APBB2: variants seen among roughly 807,000 people sequenced by gnomAD.
APBB2 encodes Fe65-like 1.
Under a neutral mutation model 82.5 loss-of-function variants are expected in APBB2, and 38 were observed. That is an observed-to-expected ratio of 0.46 (90% confidence interval 0.36 to 0.60). The LOEUF (loss-of-function observed/expected upper bound fraction) is 0.60. APBB2 is among the 20% of genes least tolerant of loss of function. The pLI is 0.00. For missense variants in APBB2, 772 were observed against 972.3 expected (o/e 0.79, Z 2.74); for synonymous variants, 341 against 368.2 (o/e 0.93, Z 0.85).
chr4:40,851,055 G>T (rs575515244), intron 12 of APBB2, among the ~76,000 whole-genome samples: 1 of 152,290 alleles, frequency 6.6e-6, no homozygotes, highest in East Asian at 1.9e-4. Context: ...GACAGCACTG[G>T]CTAAACACTT....
At position 40,826,612 on chromosome 4, in the gene APBB2, A is replaced by G. The variant is rs1005055323; in HGVS notation, c.1732+520T>C. ...CGCCTCAGCCTCCCAAAGTGCTGGG[A>G]TTATAGATGTGAACCACCGCGCCTG... is the stretch of plus-strand genomic sequence containing the variant. On this transcript the variant is annotated intron_variant, in intron 14 of 17. Transcript: ENST00000508593. This position sits in a 1 kb window ranked among gnomAD's most constrained non-coding sequence, Gnocchi z 4.5. 6.3e-6 allele frequency: 1 copy of G among 157,622 alleles called. No homozygotes were observed. Among genetic ancestry groups the G allele is most frequent in the African/African-American group, 2.4e-5 (1 of 41,440 alleles). The allele number at this position is 157,622 out of a possible 1,614,324, so 9.8% of individuals were successfully genotyped here. A position where few individuals can be genotyped will look rare whatever the true frequency, so the allele number is the denominator to read the frequency against.
At chr4:41,123,703 G>T (rs1753544298) in intron 2 of APBB2, among the ~76,000 whole-genome samples, 1 of 152,096 alleles carries the variant, frequency 6.6e-6, no homozygotes, top group South Asian at 2.1e-4. Flanking sequence ...TGCGCCTGCA[G>T]TACCAGCTAC....
intron 15 of APBB2, 47 bp downstream of exon 15, chr4:40,825,840 G>A: frequency 1.3e-6 from 2 of 1,522,168 alleles, no homozygotes; most frequent in Non-Finnish European, 1.8e-6. Context: ...CCTCCTGTGA[G>A]CTCCCGCACA....
intron 7 of APBB2, among the ~76,000 whole-genome samples, chr4:40,940,179 T>G (rs549773267): frequency 2.4e-4 from 36 of 152,220 alleles, no homozygotes; most frequent in Middle Eastern, 3.4e-3. Flanking sequence ...CAATGGGACA[T>G]GATAGAATAC....
chr4:40,957,770 G>C (rs1325095623), intron 6 of APBB2, among the ~76,000 whole-genome samples: 2 of 152,040 alleles, frequency 1.3e-5, no homozygotes, highest in Non-Finnish European at 2.9e-5. Flanking sequence ...TTTTAGTAGA[G>C]ATGGGGTTTC....
At chr4:40,822,166 T>C in intron 16 of APBB2, 116 bp from the exon 17 acceptor site, 3 of 1,259,656 alleles carry the variant, frequency 2.4e-6, no homozygotes, top group Non-Finnish European at 3.4e-6. Context: ...AGAAAGGACC[T>C]GTGTTTTTCT....
At chr4:40,908,151 A>T (rs1777573897) in intron 10 of APBB2, among the ~76,000 whole-genome samples, 1 of 151,926 alleles carries the variant, frequency 6.6e-6, no homozygotes, top group African/African-American at 2.4e-5. Context: ...GCCCACACAG[A>T]GAATAGGCCA....
intron 6 of APBB2, among the ~76,000 whole-genome samples, chr4:40,969,843 A>G (rs1392654596): frequency 6.6e-6 from 1 of 152,190 alleles, no homozygotes; most frequent in African/African-American, 2.4e-5. Flanking sequence ...ACCCAATATA[A>G]TATCTTTAAA....
rs924823420 is a variant in APBB2 at position 40,913,915 on chromosome 4, T to C, written c.1255-20504A>G. 3.3e-5 allele frequency among the ~76,000 whole-genome samples: 5 copies of C among 151,862 alleles called. No individual in the cohort carries two copies. The East Asian group carries it at 7.7e-4, about 23-fold the overall frequency. On this transcript the variant is annotated intron_variant, in intron 10 of 17. Coordinates refer to ENST00000508593, the MANE Select transcript of APBB2 (RefSeq NM_004307.2). ...GAGTTATGGTGCTGGTGGCCATGAG[T>C]TGAAGGTCAACGGATCAATAACATA...
At chr4:41,163,686 C>T (rs1258529761) in intron 1 of APBB2, among the ~76,000 whole-genome samples, 1 of 152,184 alleles carries the variant, frequency 6.6e-6, no homozygotes, top group Non-Finnish European at 1.5e-5. Context: ...TCCCAGGGAA[C>T]ACTGGACCAA....
At chr4:41,149,894 C>T (rs917303067) in intron 1 of APBB2, among the ~76,000 whole-genome samples, 1 of 152,170 alleles carries the variant, frequency 6.6e-6, no homozygotes, top group African/African-American at 2.4e-5. Context: ...CCATGTAAGA[C>T]GTGCCTTAAC....
chr4:41,014,448 T>A (rs1188791744), intron 5 of APBB2, 50 bp from the exon 6 acceptor site: 1 of 1,500,918 alleles, frequency 6.7e-7, no homozygotes, highest in Non-Finnish European at 9.2e-7. Flanking sequence ...AACTACTTAG[T>A]ATACAGTGTG....
rs140332466 is a variant in APBB2, at chr4:40,978,039, A to C, written c.836-32966T>G. ...TAGAAATGTTCTCTTTTGTACCTAC[A>C]ACAAGGTGCTCATATAGAAGATGGA... On this transcript the variant is annotated intron_variant, in intron 6 of 17. Transcript: ENST00000508593. Among the ~76,000 whole-genome samples, 429 of 152,354 alleles carry C rather than the reference A, an allele frequency of 2.8e-3. 4 individuals carry two copies. Among genetic ancestry groups the C allele is most frequent in the Non-Finnish European group, 6.5e-4 (44 of 68,032 alleles).
intron 12 of APBB2, among the ~76,000 whole-genome samples, chr4:40,841,837 C>T (rs2154314632): frequency 6.6e-6 from 1 of 152,272 alleles, no homozygotes; most frequent in South Asian, 2.1e-4. Flanking sequence ...CACCACCACG[C>T]CTAGCTAATT....
At chr4:41,206,084 T>A (rs989274270) in intron 1 of APBB2, among the ~76,000 whole-genome samples, 1 of 152,064 alleles carries the variant, frequency 6.6e-6, no homozygotes, top group Non-Finnish European at 1.5e-5. Context: ...TGTTCCCCAG[T>A]GAGCAAAACT....
At chr4:41,037,970 G>C (rs1719898393) in intron 4 of APBB2, among the ~76,000 whole-genome samples, 1 of 151,238 alleles carries the variant, frequency 6.6e-6, no homozygotes, top group Non-Finnish European at 1.5e-5. Flanking sequence ...GGGACTAATG[G>C]CAGGCCACTA....
At chr4:41,148,680 T>C (rs1297674761) in intron 1 of APBB2, among the ~76,000 whole-genome samples, 1 of 152,184 alleles carries the variant, frequency 6.6e-6, no homozygotes, top group Non-Finnish European at 1.5e-5. Flanking sequence ...CACCAGGTAT[T>C]GTGACGTTCC....
intron 4 of APBB2, among the ~76,000 whole-genome samples, chr4:41,060,810 C>T (rs981264894): frequency 2.0e-4 from 30 of 152,174 alleles, no homozygotes; most frequent in African/African-American, 7.0e-4. Context: ...AGAGGGGAAA[C>T]AGCAGGAGCA....
intron 2 of APBB2, among the ~76,000 whole-genome samples, chr4:41,103,629 CTAGA>C: frequency 6.6e-6 from 1 of 151,544 alleles, no homozygotes. Flanking sequence ...AGAAAAAAGA[CTAGA>C]AAGAAAAAAA....
Sources: allele counts gnomAD v4.1 joint callset (sites outside exome capture counted in the v4.1 genomes callset), GRCh38; gene constraint gnomAD v4.1.1; non-coding constraint Gnocchi (gnomAD v3.1); transcripts MANE v1.5; gene names NCBI Gene and HGNC (gene_info 2026-07-23, HGNC 2026-07-21).